The following ALDH1L1 variants were observed in gnomAD, a reference collection of about 807,000 sequenced individuals.
ALDH1L1 encodes aldehyde dehydrogenase 1 family member L1.
Under a neutral mutation model 101.1 loss-of-function variants are expected in ALDH1L1, and 68 were observed. That is an observed-to-expected ratio of 0.67 (90% confidence interval 0.55 to 0.82). The LOEUF (loss-of-function observed/expected upper bound fraction) is 0.82, where lower values mean the gene tolerates loss of function less well. Ranked by LOEUF, ALDH1L1 falls within the 40% of genes least tolerant of loss-of-function variation. The pLI, the probability that ALDH1L1 is intolerant of heterozygous loss-of-function variation, is 0.00. For synonymous variants in ALDH1L1, 486 were observed against 470.8 expected, an observed-to-expected ratio of 1.03 and a Z score of -0.42; for missense variants, 1,087 against 1,172.7, an observed-to-expected ratio of 0.93 and a Z score of 1.07.
At chr3:126,185,375 C>G (rs1029316657), upstream of ALDH1L1, among the ~76,000 whole-genome samples, 1 of 152,178 alleles carries the variant, frequency 6.6e-6, no homozygotes, top group Non-Finnish European at 1.5e-5. Flanking sequence ...TCCAGGTGCT[C>G]GCACCTCTAT....
chr3:126,138,350 C>G lies in ALDH1L1; in HGVS notation c.1077-390G>C, dbSNP rs953166475. ...CTGTTAAAAGAATGAAAACATAAGCCACAGATTGGAAGAAAATGTTTCCAA... is the reference window on the plus strand; with the variant it reads ...CTGTTAAAAGAATGAAAACATAAGCGACAGATTGGAAGAAAATGTTTCCAA... On this transcript the variant is annotated intron_variant, in intron 9 of 22. Coordinates refer to ENST00000393434, the MANE Select transcript of ALDH1L1 (RefSeq NM_012190.4). 6.6e-5 allele frequency among the ~76,000 whole-genome samples: 10 copies of G among 152,060 alleles called. No individual in the cohort carries two copies. In the South Asian group the frequency reaches 2.1e-3, roughly 32 times the overall value.
chr3:126,145,558 T>C (rs538756917), intron 9 of ALDH1L1, among the ~76,000 whole-genome samples: 4 of 152,216 alleles, frequency 2.6e-5, no homozygotes, highest in African/African-American at 4.8e-5. Context: ...GAGGACATCA[T>C]GCTAAGCGTA....
chr3:126,122,707 G>A (rs952063643), intron 16 of ALDH1L1, among the ~76,000 whole-genome samples: 5 of 152,184 alleles, frequency 3.3e-5, no homozygotes, highest in Admixed American at 2.0e-4. Flanking sequence ...CTATCCAGAA[G>A]TAACATTTGT....
intron 1 of ALDH1L1, among the ~76,000 whole-genome samples, chr3:126,167,251 A>T (rs2081187929): frequency 6.6e-6 from 1 of 152,184 alleles, no homozygotes; most frequent in Non-Finnish European, 1.5e-5. Context: ...CAAAACAATA[A>T]GGAAAAAAGG....
At chr3:126,117,389 C>T (rs116700305) in intron 17 of ALDH1L1, among the ~76,000 whole-genome samples, 6,733 of 152,058 alleles carry the variant, frequency 0.044, 460 homozygotes, top group African/African-American at 0.15. Context: ...CAGTGGCTCA[C>T]GTCAGTCATC....
chr3:126,110,029 G>A lies in ALDH1L1; in HGVS notation c.2262C>T (p.His754=), dbSNP rs1327572993. 1.2e-6 allele frequency: 2 copies of A among 1,614,204 alleles called. No homozygotes were observed. The highest frequency in any genetic ancestry group is 1.7e-6 in the Non-Finnish European group (2 of 1,180,034). ...GGCAGTACTCCATCAGCTTCACAAG[G>A]TGGGCATGGTGATTCTGCGGCCCGT... is the stretch of plus-strand genomic sequence containing the variant. ...TDHGPQNHHA[H]LVKLMEYCQH... Residue 754 remains histidine, a synonymous_variant, in exon 20 of 23, where the codon CAC becomes CAT. Transcript: ENST00000393434.
chr3:126,129,528 G>A (rs916578747), intron 14 of ALDH1L1: 1 of 152,464 alleles, frequency 6.6e-6, no homozygotes, highest in African/African-American at 2.4e-5. Context: ...CGCATCCTCA[G>A]TGCAGATCAT....
chr3:126,103,836 A>G lies in ALDH1L1; in HGVS notation c.2664T>C (p.Ala888=), dbSNP rs1393345941. 1.2e-6 allele frequency: 2 copies of G among 1,613,504 alleles called. No homozygotes were observed. Among genetic ancestry groups the G allele is most frequent in the Non-Finnish European group, 1.7e-6 (2 of 1,179,788 alleles). Residue 888 remains alanine (A), a synonymous_variant, in exon 23 of 23, where the codon GCT becomes GCC. Coordinates refer to ENST00000393434, the MANE Select transcript of ALDH1L1 (RefSeq NM_012190.4). ...SGFGKDLGEA[A]LNEYLRVKTV... is the part of the protein sequence containing the mutation. ...TCTTGACCCGCAGGTACTCGTTCAGAGCCGCCTCTCCTGTAAGACACCACA... is the reference window on the plus strand; with the variant it reads ...TCTTGACCCGCAGGTACTCGTTCAGGGCCGCCTCTCCTGTAAGACACCACA...
chr3:126,168,943 T>C (rs1303525545), intron 1 of ALDH1L1, among the ~76,000 whole-genome samples: 1 of 152,172 alleles, frequency 6.6e-6, no homozygotes, highest in Non-Finnish European at 1.5e-5. Context: ...AACTAGACAT[T>C]TTGTTATTTA....
At chr3:126,186,792 G>A (rs1313984636) in intron 1 of ALDH1L1, among the ~76,000 whole-genome samples, 2 of 152,210 alleles carry the variant, frequency 1.3e-5, no homozygotes, top group Non-Finnish European at 2.9e-5. Context: ...CCGCAGATGA[G>A]TGGCACTGTC....
intron 7 of ALDH1L1, chr3:126,153,228 GC>G: frequency 1.5e-6 from 1 of 684,822 alleles, no homozygotes; most frequent in Non-Finnish European, 2.5e-6. Flanking sequence ...AGGGAGCCCA[GC>G]TTTCCCAGAA....
At chr3:126,107,860 A>G (rs1180718207) in intron 20 of ALDH1L1, 1 of 152,874 alleles carries the variant, frequency 6.5e-6, no homozygotes, top group Non-Finnish European at 1.5e-5. Context: ...GACAACTGAA[A>G]TGCTTCCTCT....
intron 1 of ALDH1L1, among the ~76,000 whole-genome samples, chr3:126,166,158 G>A (rs911091755): frequency 9.2e-5 from 14 of 152,062 alleles, no homozygotes; most frequent in South Asian, 4.2e-4. Flanking sequence ...CGCACCCCTC[G>A]TCCTTCTCCA....
intron 1 of ALDH1L1, among the ~76,000 whole-genome samples, chr3:126,174,210 G>A (rs895283140): frequency 6.6e-6 from 1 of 152,130 alleles, no homozygotes; most frequent in African/African-American, 2.4e-5. Context: ...GGCTAATTTT[G>A]TATTTTTAGT....
In ALDH1L1 at chr3:126,110,041, A is replaced by C; in HGVS notation, c.2250T>G (p.Asn750Lys). The part of the protein sequence containing the change: ...LDRDTDHGPQ[N>K]HHAHLVKLME... ...TCAGCTTCACAAGGTGGGCATGGTG[A>C]TTCTGCGGCCCGTGGTCGGTGTCCC... Residue 750 changes from asparagine to lysine, a missense_variant, in exon 20 of 23, where the codon AAT becomes AAG. By Grantham distance (94) the Asn-to-Lys change is moderately conservative. Coordinates refer to ENST00000393434, the MANE Select transcript of ALDH1L1 (RefSeq NM_012190.4). The C allele has an allele frequency of 6.2e-7, 1 of 1,614,192 alleles. No individual in the cohort carries two copies. The highest frequency in any genetic ancestry group is 8.5e-7 in the Non-Finnish European group (1 of 1,180,022).
At chr3:126,107,705 G>A (rs991778251) in intron 20 of ALDH1L1, among the ~76,000 whole-genome samples, 7 of 152,182 alleles carry the variant, frequency 4.6e-5, no homozygotes, top group African/African-American at 9.7e-5. Flanking sequence ...TCTGGGCACT[G>A]GGACCTCCTG....
In ALDH1L1 at chr3:126,126,593, C is replaced by T. The variant is rs111269225; in HGVS notation, c.1695-872G>A. Among the ~76,000 whole-genome samples, 1,480 of 152,242 alleles carry T rather than the reference C, an allele frequency of 9.7e-3. 12 individuals are homozygous for T. Among genetic ancestry groups the T allele is most frequent in the Middle Eastern group, 0.034 (10 of 294 alleles). On this transcript the variant is annotated intron_variant, in intron 14 of 22. Coordinates refer to ENST00000393434, the MANE Select transcript of ALDH1L1 (RefSeq NM_012190.4). Reference sequence around the variant, plus strand: ...TAGGGGAGCTGCCCCACACCCCACACACACCCAGGAGATTGGGAGCACAGC... The same window carrying T: ...TAGGGGAGCTGCCCCACACCCCACATACACCCAGGAGATTGGGAGCACAGC...
chr3:126,128,902 T>C (rs1311976629), intron 14 of ALDH1L1: 1 of 152,024 alleles, frequency 6.6e-6, no homozygotes, highest in Non-Finnish European at 1.5e-5. Context: ...GGCTCTGAAC[T>C]GTGGCCCCAG....
At chr3:126,176,460 C>T (rs749665457) in intron 1 of ALDH1L1, among the ~76,000 whole-genome samples, 13 of 152,222 alleles carry the variant, frequency 8.5e-5, no homozygotes, top group African/African-American at 1.7e-4. Flanking sequence ...CAAGACAGTA[C>T]GGTATTGGCA....
Sources: gnomAD v4.1 joint callset for allele counts (sites outside exome capture counted in the v4.1 genomes callset) on GRCh38, gnomAD v4.1.1 for gene constraint, MANE v1.5 for transcripts, NCBI Gene and HGNC (gene_info 2026-07-23, HGNC 2026-07-21) for gene names.